SLC4A4: variants seen among roughly 807,000 people sequenced by gnomAD.
The protein encoded by SLC4A4 is electrogenic sodium bicarbonate cotransporter 1.
A neutral mutation model predicts 111.5 loss-of-function variants in SLC4A4; 27 were observed. The observed-to-expected ratio is 0.24, with a 90% CI of 0.18 to 0.33. SLC4A4 has a LOEUF of 0.33. Among genes scored for constraint, SLC4A4 ranks in the 10% least tolerant of loss-of-function variants. SLC4A4 has a pLI of 1.00. For synonymous variants in SLC4A4, 443 were observed against 463.4 expected, an observed-to-expected ratio of 0.96 and a Z score of 0.57; for missense variants, 909 against 1,315.5, an observed-to-expected ratio of 0.69 and a Z score of 4.78.
intron 2 of SLC4A4, among the ~76,000 whole-genome samples, chr4:71,165,783 G>T (rs1291181111): frequency 6.6e-6 from 1 of 151,968 alleles, no homozygotes; most frequent in Non-Finnish European, 1.5e-5. Context: ...ATTAAAATGT[G>T]ACCCAATGAG....
chr4:71,106,462 A>G (rs1282718820), intron 2 of SLC4A4, among the ~76,000 whole-genome samples: 1 of 147,798 alleles, frequency 6.8e-6, no homozygotes, highest in African/African-American at 2.5e-5. Context: ...TGCTATAAAG[A>G]CACATGCACA....
intron 7 of SLC4A4, among the ~76,000 whole-genome samples, chr4:71,431,860 T>C (rs1371178580): frequency 6.6e-6 from 1 of 152,056 alleles, no homozygotes; most frequent in Non-Finnish European, 1.5e-5. Context: ...AGGTTCCAGA[T>C]TGAACCTTAA....
intron 2 of SLC4A4, among the ~76,000 whole-genome samples, chr4:71,167,889 T>G (rs1399460462): frequency 1.3e-5 from 2 of 152,176 alleles, no homozygotes; most frequent in Admixed American, 6.5e-5. Flanking sequence ...TCTTTCAAAT[T>G]TATTCACTTC....
intron 18 of SLC4A4, among the ~76,000 whole-genome samples, chr4:71,543,377 G>T (rs1333285695): frequency 6.6e-6 from 1 of 152,132 alleles, no homozygotes; most frequent in Non-Finnish European, 1.5e-5. Context: ...AGAACAAAAA[G>T]AAGTCCAGTG....
At chr4:71,178,819 G>A (rs1239948944) in intron 2 of SLC4A4, among the ~76,000 whole-genome samples, 1 of 152,020 alleles carries the variant, frequency 6.6e-6, no homozygotes, top group African/African-American at 2.4e-5. Flanking sequence ...ATTCCAATCA[G>A]TAGAAAAAGA....
At chr4:71,300,846 A>G in intron 3 of SLC4A4, 1 of 466,612 alleles carries the variant, frequency 2.1e-6, no homozygotes, top group Middle Eastern at 3.6e-4. Flanking sequence ...GGAGGCAGAG[A>G]CAGTGGAACA....
intron 16 of SLC4A4, among the ~76,000 whole-genome samples, chr4:71,509,158 C>T (rs931702182): frequency 6.6e-6 from 1 of 152,198 alleles, no homozygotes; most frequent in Admixed American, 6.6e-5. Flanking sequence ...ACTGAATGGG[C>T]AAAGGCTGTA....
rs543954335 is a variant in SLC4A4 at position 71,277,652 on chromosome 4, CCTT to C, written c.253+22257_253+22259del. ...CTCTCTCTCTCATTCACTTCTCTCT[CCTT>C]CTTTCTCTGTTTTTCTTTCTCTTTT... On this transcript the variant is annotated intron_variant, in intron 3 of 25. Transcript: ENST00000264485. Among the ~76,000 whole-genome samples the C allele has an allele frequency of 1.9e-4, 29 of 150,572 alleles. No homozygotes were observed. The South Asian group carries it at 5.3e-3, about 27-fold the overall frequency.
rs913538167 is a variant in SLC4A4, at chr4:71,568,997, G to A, written c.*1246G>A. On this transcript the variant is annotated 3_prime_UTR_variant, in exon 26 of 26. Coordinates refer to ENST00000264485, the MANE Select transcript of SLC4A4 (RefSeq NM_001098484.3). ...TTGTATTACCACGTCAATGTCCTAT[G>A]CAGTATTGTTAGACATTTTCTCATT... 1 of 151,726 alleles carries A rather than the reference G, an allele frequency of 6.6e-6. No homozygotes were observed. The highest frequency in any genetic ancestry group is 2.0e-4 in the East Asian group (1 of 5,128). The allele number at this position is 151,726 out of a possible 1,614,324, so 9.4% of individuals were successfully genotyped here.
At chr4:71,537,902 C>G (rs1044953529) in intron 18 of SLC4A4, among the ~76,000 whole-genome samples, 2 of 152,054 alleles carry the variant, frequency 1.3e-5, no homozygotes, top group Non-Finnish European at 2.9e-5. Context: ...GTCCCAGGCT[C>G]CAGGGCTTAC....
intron 20 of SLC4A4, 65 bp downstream of exon 20, chr4:71,547,785 A>G: frequency 7.5e-7 from 1 of 1,332,900 alleles, no homozygotes; most frequent in Non-Finnish European, 1.1e-6. Context: ...ACATGTGAAG[A>G]GTGAAATTCC....
chr4:71,281,641 T>A (rs1723524604), intron 3 of SLC4A4, among the ~76,000 whole-genome samples: 2 of 152,366 alleles, frequency 1.3e-5, no homozygotes, highest in South Asian at 4.1e-4. Context: ...TGAGAAGTGA[T>A]AATTGAAGTT....
chr4:71,228,213 G>T (rs2149029279), intron 1 of SLC4A4, among the ~76,000 whole-genome samples: 1 of 152,230 alleles, frequency 6.6e-6, no homozygotes, highest in Non-Finnish European at 1.5e-5. Flanking sequence ...CTTTGTTGCT[G>T]AGCCTGCTCC....
At chr4:71,085,256 GT>G (rs575573125) in intron 1 of SLC4A4, among the ~76,000 whole-genome samples, 1,928 of 151,982 alleles carry the variant, frequency 0.013, 61 homozygotes, top group African/African-American at 0.044. Flanking sequence ...GGGTTTGTTT[GT>G]TTTTTTCTTG....
intron 17 of SLC4A4, 58 bp downstream of exon 17, chr4:71,532,233 A>G (rs1003502763): frequency 2.0e-6 from 2 of 996,358 alleles, no homozygotes; most frequent in Non-Finnish European, 3.2e-6. Flanking sequence ...CTTTCCCCCT[A>G]TTCTAATTTA....
chr4:71,515,597 T>C (rs912901239), intron 16 of SLC4A4, among the ~76,000 whole-genome samples: 3 of 152,206 alleles, frequency 2.0e-5, no homozygotes, highest in African/African-American at 7.2e-5. Context: ...TGTTATTGTA[T>C]TGCATTCCGT....
chr4:71,218,298 T>A (rs1718550300), intron 1 of SLC4A4, among the ~76,000 whole-genome samples: 2 of 152,248 alleles, frequency 1.3e-5, no homozygotes, highest in Admixed American at 1.3e-4. Context: ...AGAGTTGGTT[T>A]GTCTCAACTG....
intron 2 of SLC4A4, among the ~76,000 whole-genome samples, chr4:71,107,714 T>C (rs1403327286): frequency 3.9e-5 from 6 of 151,970 alleles, no homozygotes; most frequent in Non-Finnish European, 7.4e-5. Flanking sequence ...TTTCTTGTTT[T>C]TTTTTTTCTT....
intron 7 of SLC4A4, among the ~76,000 whole-genome samples, chr4:71,427,508 ACCATAGTATATAATTCT>A (rs1018885023): frequency 1.3e-5 from 2 of 152,066 alleles, no homozygotes; most frequent in African/African-American, 4.8e-5. Context: ...GTGTCTGATA[ACCATAGTATATAATTCT>A]CCTTTAAGGT....
Sources: allele counts gnomAD v4.1 joint callset (sites outside exome capture counted in the v4.1 genomes callset), GRCh38; gene constraint gnomAD v4.1.1; transcripts MANE v1.5; gene names NCBI Gene and HGNC (gene_info 2026-07-23, HGNC 2026-07-21).